Variants in PDE4D observed in about 807,000 individuals in gnomAD.
PDE4D encodes phosphodiesterase 4D, also known as 3',5'-cyclic-AMP phosphodiesterase 4D.
Under a neutral mutation model 87.4 loss-of-function variants are expected in PDE4D, and 24 were observed. The ratio of observed to expected loss-of-function variants is 0.27; its 90% CI spans 0.20 to 0.39. The LOEUF (loss-of-function observed/expected upper bound fraction) is 0.39. PDE4D is among the 10% of genes least tolerant of loss of function. The pLI is 1.00. For synonymous variants in PDE4D, 384 were observed against 383.2 expected (o/e 1.00, Z -0.02); for missense variants, 714 against 1,041.0 (o/e 0.69, Z 4.32).
chr5:59,162,339 A>G (rs369811461), intron 5 of PDE4D, among the ~76,000 whole-genome samples: 1 of 152,056 alleles, frequency 6.6e-6, no homozygotes, highest in Non-Finnish European at 1.5e-5. Context: ...TTCTTTTCAC[A>G]TTTATGCTTA....
At chr5:60,474,367 G>A (rs1748144825) in intron 1 of PDE4D, among the ~76,000 whole-genome samples, 1 of 151,332 alleles carries the variant, frequency 6.6e-6, no homozygotes. Context: ...CATGGAGAGA[G>A]AGCCCTCACA....
intron 1 of PDE4D, among the ~76,000 whole-genome samples, chr5:60,201,468 TTC>T (rs1741896872): frequency 6.6e-6 from 1 of 152,128 alleles, no homozygotes. Flanking sequence ...AAAAACATGT[TTC>T]TAAAGAGGAA....
intron 1 of PDE4D, among the ~76,000 whole-genome samples, chr5:59,585,373 T>C (rs1311467207): frequency 3.9e-5 from 6 of 152,170 alleles, no homozygotes; most frequent in Admixed American, 3.3e-4. Flanking sequence ...CCGAAACCTA[T>C]ATTTAGGTAT....
At chr5:59,089,569 G>C (rs551282936) in intron 5 of PDE4D, among the ~76,000 whole-genome samples, 2 of 152,092 alleles carry the variant, frequency 1.3e-5, no homozygotes, top group Non-Finnish European at 2.9e-5. Context: ...GAGGCACAGA[G>C]AACCTCAAGT....
At chr5:59,428,867 G>A (rs1449125405) in intron 1 of PDE4D, among the ~76,000 whole-genome samples, 4 of 152,082 alleles carry the variant, frequency 2.6e-5, no homozygotes, top group Admixed American at 2.6e-4. Flanking sequence ...CCATAGGTAA[G>A]TAATGTATTC....
intron 1 of PDE4D, among the ~76,000 whole-genome samples, chr5:60,338,230 G>GA (rs746660891): frequency 6.6e-6 from 1 of 152,106 alleles, no homozygotes; most frequent in Non-Finnish European, 1.5e-5. Flanking sequence ...AGCTGGAGGA[G>GA]AAAAAAGTAG....
intron 2 of PDE4D, among the ~76,000 whole-genome samples, chr5:60,164,207 T>C (rs887759345): frequency 6.6e-6 from 1 of 152,134 alleles, no homozygotes; most frequent in Non-Finnish European, 1.5e-5. Flanking sequence ...ATATTAATGA[T>C]AAAATTATTA....
At chr5:59,570,811 A>G (rs1355345220) in intron 1 of PDE4D, among the ~76,000 whole-genome samples, 1 of 152,238 alleles carries the variant, frequency 6.6e-6, no homozygotes, top group Admixed American at 6.5e-5. Context: ...ATGAATAGCT[A>G]TAAAATTTGT....
At chr5:59,272,410 A>T (rs1763994031) in intron 1 of PDE4D, among the ~76,000 whole-genome samples, 1 of 152,112 alleles carries the variant, frequency 6.6e-6, no homozygotes, top group African/African-American at 2.4e-5. Context: ...ACAACTGACT[A>T]AATCTGAATT....
chr5:59,450,423 A>C (rs1334829816), intron 1 of PDE4D, among the ~76,000 whole-genome samples: 2 of 152,202 alleles, frequency 1.3e-5, no homozygotes, highest in African/African-American at 4.8e-5. Flanking sequence ...GCAGTTTAGC[A>C]CTGAGTACAC....
chr5:59,971,705 AT>A (rs1182188224), intron 3 of PDE4D, among the ~76,000 whole-genome samples: 2 of 152,162 alleles, frequency 1.3e-5, no homozygotes, highest in African/African-American at 4.8e-5. Flanking sequence ...ATGTAAAAAA[AT>A]AATGCATTAA....
chr5:59,227,407 A>G (rs1754037901), intron 1 of PDE4D, among the ~76,000 whole-genome samples: 1 of 140,406 alleles, frequency 7.1e-6, no homozygotes, highest in African/African-American at 2.9e-5. Context: ...ATTAAACTAA[A>G]GAGCTTCTGC....
chr5:59,476,385 G>A (rs1803302659), intron 1 of PDE4D, among the ~76,000 whole-genome samples: 1 of 151,920 alleles, frequency 6.6e-6, no homozygotes, highest in South Asian at 2.1e-4. Flanking sequence ...CTATAATTTG[G>A]TACTTTATGT....
intron 1 of PDE4D, among the ~76,000 whole-genome samples, chr5:60,282,208 CAT>C (rs140298004): frequency 0.055 from 7,025 of 128,174 alleles, 202 homozygotes; most frequent in Non-Finnish European, 0.062. Context: ...GAGAAATAAA[CAT>C]ATATATATAT....
Position 60,385,020 on chromosome 5 carries a change from G to A in PDE4D, c.-90+102922C>T, listed in dbSNP as rs1044394310. On this transcript the variant is annotated intron_variant, in intron 1 of 16. Coordinates refer to the PDE4D transcript ENST00000502484. The stretch of plus-strand genomic sequence containing the variant: ...CATACAGCTTGGCCATAATTGCAAC[G>A]AACTGTGCTTTCTAAATTGAACCAG... Among the ~76,000 whole-genome samples, 7 of 152,084 alleles carry A rather than the reference G, an allele frequency of 4.6e-5. No homozygotes were observed. In the South Asian group the frequency reaches 6.2e-4, roughly 13 times the overall value.
At chr5:59,614,083 A>G (rs1240830296) in intron 1 of PDE4D, among the ~76,000 whole-genome samples, 1 of 152,166 alleles carries the variant, frequency 6.6e-6, no homozygotes, top group Non-Finnish European at 1.5e-5. Context: ...ATATTCCCAT[A>G]TATTATATAA....
intron 1 of PDE4D, among the ~76,000 whole-genome samples, chr5:59,416,520 A>G (rs1350371676): frequency 6.6e-6 from 1 of 152,228 alleles, no homozygotes; most frequent in Non-Finnish European, 1.5e-5. Flanking sequence ...CTAAAGGTGG[A>G]CAACTTCAAT....
At chr5:59,306,469 C>T (rs540440576) in intron 1 of PDE4D, among the ~76,000 whole-genome samples, 43 of 152,118 alleles carry the variant, frequency 2.8e-4, no homozygotes, top group East Asian at 2.5e-3. Context: ...GTTTTGTTTT[C>T]GCTTTTTAGC....
chr5:59,772,265 TTG>T (rs1763658774), intron 1 of PDE4D, among the ~76,000 whole-genome samples: 1 of 152,190 alleles, frequency 6.6e-6, no homozygotes, highest in African/African-American at 2.4e-5. Flanking sequence ...ACTCCACAGC[TTG>T]TGTTTTTCAC....
Sources: allele counts gnomAD v4.1 joint callset (sites outside exome capture counted in the v4.1 genomes callset), GRCh38; gene constraint gnomAD v4.1.1; transcripts MANE v1.5; gene names NCBI Gene and HGNC (gene_info 2026-07-23, HGNC 2026-07-21).